The following KIAA1217 variants were observed in gnomAD, a reference collection of about 807,000 sequenced individuals.
KIAA1217 encodes the protein KIAA1217.
KIAA1217 carries 88 observed loss-of-function variants against 163.9 expected under a neutral mutation model. That is an observed-to-expected ratio of 0.54 (90% confidence interval 0.45 to 0.64). KIAA1217 has a LOEUF of 0.64. KIAA1217 is among the 30% of genes least tolerant of loss of function. The pLI is 0.00. For synonymous variants in KIAA1217, 903 were observed against 923.1 expected (o/e 0.98, Z 0.39); for missense variants, 2,372 against 2,475.0 (o/e 0.96, Z 0.88).
chr10:24,060,816 A>T (rs2060694804), intron 2 of KIAA1217, among the ~76,000 whole-genome samples: 1 of 151,982 alleles, frequency 6.6e-6, no homozygotes, highest in Non-Finnish European at 1.5e-5. Context: ...AGAGAGTGAA[A>T]CCCTGTTTAA....
At chr10:23,984,446 A>G (rs1249782175) in intron 1 of KIAA1217, among the ~76,000 whole-genome samples, 3 of 152,248 alleles carry the variant, frequency 2.0e-5, no homozygotes, top group Non-Finnish European at 4.4e-5. Flanking sequence ...GTCAAATGGT[A>G]TAAAGGCACA....
chr10:23,915,226 A>G (rs1842588839), intron 1 of KIAA1217, among the ~76,000 whole-genome samples: 1 of 152,180 alleles, frequency 6.6e-6, no homozygotes, highest in Non-Finnish European at 1.5e-5. Context: ...CATGTAGCTA[A>G]GAAAAAAGAA....
chr10:24,383,312 CTGGGGGAACTT>C (rs759451927), intron 3 of KIAA1217, among the ~76,000 whole-genome samples: 48 of 152,162 alleles, frequency 3.2e-4, no homozygotes, highest in Admixed American at 1.3e-4. Context: ...TCCCCCATAC[CTGGGGGAACTT>C]TGACTCTGTC....
intron 1 of KIAA1217, among the ~76,000 whole-genome samples, chr10:23,941,517 C>G (rs942245027): frequency 1.3e-5 from 2 of 152,062 alleles, no homozygotes; most frequent in Non-Finnish European, 2.9e-5. Context: ...CTGGGTAGCA[C>G]TGGATGATGA....
intron 7 of KIAA1217, 58 bp from the exon 8 acceptor site, chr10:24,495,089 A>T: frequency 7.2e-7 from 1 of 1,388,746 alleles, no homozygotes; most frequent in Non-Finnish European, 9.8e-7. Flanking sequence ...GGGCTTTAAA[A>T]AAAAAAAAAA....
intron 3 of KIAA1217, among the ~76,000 whole-genome samples, chr10:24,400,060 G>A (rs144588067): frequency 1.2e-4 from 18 of 152,274 alleles, no homozygotes; most frequent in African/African-American, 2.4e-4. Context: ...TCGCCCCTGC[G>A]TAAATAGCCT....
chr10:24,288,215 A>T (rs895400432), intron 2 of KIAA1217, among the ~76,000 whole-genome samples: 1 of 152,198 alleles, frequency 6.6e-6, no homozygotes, highest in African/African-American at 2.4e-5. Flanking sequence ...GATTATGTAT[A>T]TTATGATTGC....
rs537273328 is a variant in KIAA1217 at position 24,183,106 on chromosome 10, A to C, written c.-170-36520A>C. On this transcript the variant is annotated intron_variant, in intron 2 of 18. Transcript: ENST00000376462. ...TTGCTATAAAGCTGGGACACCCCCCAGGTTTTCTCTTTTCACACATGTCTG... is the reference window on the plus strand; with the variant it reads ...TTGCTATAAAGCTGGGACACCCCCCCGGTTTTCTCTTTTCACACATGTCTG... Among the ~76,000 whole-genome samples, 3 of 152,298 alleles carry C rather than the reference A, an allele frequency of 2.0e-5. No homozygotes were observed. The East Asian group carries it at 5.8e-4, about 29-fold the overall frequency.
At chr10:24,419,092 G>A (rs1033850569) in intron 3 of KIAA1217, among the ~76,000 whole-genome samples, 11 of 149,396 alleles carry the variant, frequency 7.4e-5, no homozygotes, top group Non-Finnish European at 1.3e-4. Flanking sequence ...TAAGAGAATC[G>A]CTTGAACCCA....
Position 24,380,843 on chromosome 10 carries a change from C to T in KIAA1217, c.355-26C>T, listed in dbSNP as rs751575986. On this transcript the variant is annotated intron_variant, in intron 2 of 20. Transcript: ENST00000376454. ...CACGATTAATAATAGTCTATTTTCCCACTTTCTTTAAAATGCCTTTTGCAG... is the reference window on the plus strand; with the variant it reads ...CACGATTAATAATAGTCTATTTTCCTACTTTCTTTAAAATGCCTTTTGCAG... 3.4e-6 allele frequency: 5 copies of T among 1,469,490 alleles called. No individual in the cohort carries two copies. The South Asian group carries it at 5.8e-5, about 17-fold the overall frequency. 91.0% of individuals were successfully genotyped at this position (1,469,490 alleles called of 1,614,324 possible).
chr10:23,842,267 C>T (rs1248573851), intron 1 of KIAA1217, among the ~76,000 whole-genome samples: 1 of 152,148 alleles, frequency 6.6e-6, no homozygotes, highest in Non-Finnish European at 1.5e-5. Context: ...ATAAATGGTT[C>T]TGCCAAAAAC....
At chr10:24,233,417 T>C (rs1334811365) in intron 2 of KIAA1217, among the ~76,000 whole-genome samples, 1 of 152,192 alleles carries the variant, frequency 6.6e-6, no homozygotes, top group Non-Finnish European at 1.5e-5. Flanking sequence ...CCTTCAACTT[T>C]GGGGATCAAA....
At chr10:23,821,473 T>TG (rs1022635246) in intron 1 of KIAA1217, among the ~76,000 whole-genome samples, 1 of 152,182 alleles carries the variant, frequency 6.6e-6, no homozygotes, top group Non-Finnish European at 1.5e-5. Context: ...AAGAGAGGCA[T>TG]GGAAGCAACT....
At chr10:24,380,304 A>G (rs535975621) in intron 2 of KIAA1217, among the ~76,000 whole-genome samples, 6 of 152,232 alleles carry the variant, frequency 3.9e-5, no homozygotes, top group African/African-American at 1.4e-4. Flanking sequence ...TCCCTGTTCA[A>G]AATGCACCAC....
intron 2 of KIAA1217, among the ~76,000 whole-genome samples, chr10:24,325,628 C>T (rs442463): frequency 0.21 from 32,372 of 152,024 alleles, 3,831 homozygotes; most frequent in Non-Finnish European, 0.24. Flanking sequence ...TACAAGTGGC[C>T]GGTTGATCCT....
At chr10:23,936,609 G>A (rs1298045334) in intron 1 of KIAA1217, among the ~76,000 whole-genome samples, 1 of 152,116 alleles carries the variant, frequency 6.6e-6, no homozygotes, top group African/African-American at 2.4e-5. Context: ...AGTGACGCCT[G>A]TAAAGCCAAA....
intron 2 of KIAA1217, among the ~76,000 whole-genome samples, chr10:24,021,810 C>T (rs942665617): frequency 2.0e-5 from 3 of 151,610 alleles, no homozygotes; most frequent in Non-Finnish European, 4.4e-5. Context: ...CAAATATAGT[C>T]AACTGATCTC....
intron 1 of KIAA1217, among the ~76,000 whole-genome samples, chr10:23,755,583 A>C (rs1358956771): frequency 6.6e-6 from 1 of 152,194 alleles, no homozygotes; most frequent in Non-Finnish European, 1.5e-5. Context: ...AATACTTATA[A>C]TTCTGTGAAT....
chr10:24,349,919 T>G (rs2048249130), intron 2 of KIAA1217, among the ~76,000 whole-genome samples: 1 of 152,160 alleles, frequency 6.6e-6, no homozygotes, highest in Non-Finnish European at 1.5e-5. Flanking sequence ...CCCAGTGAGC[T>G]GAAGAGCAGG....
Sources: gnomAD v4.1 joint callset for allele counts (sites outside exome capture counted in the v4.1 genomes callset) on GRCh38, gnomAD v4.1.1 for gene constraint, MANE v1.5 for transcripts, NCBI Gene and HGNC (gene_info 2026-07-23, HGNC 2026-07-21) for gene names.